TATDN3: variants seen among roughly 807,000 people sequenced by gnomAD.
TATDN3 encodes TatD DNase domain containing 3.
TATDN3 carries 29 observed loss-of-function variants against 40.1 expected under a neutral mutation model. The observed-to-expected ratio is 0.72, with a 90% confidence interval of 0.54 to 0.99. TATDN3 has a LOEUF of 0.99. Among genes scored for constraint, TATDN3 ranks in the 50% least tolerant of loss-of-function variants. The probability of loss-of-function intolerance (pLI) is 0.00; values close to 1 mark genes in which losing one functional copy is unlikely to be tolerated. For missense variants in TATDN3, 309 were observed against 321.9 expected (o/e 0.96, Z 0.31); for synonymous variants, 105 against 117.0 (o/e 0.90, Z 0.66).
chr1:212,794,918 C>T (rs570712624), intron 1 of TATDN3, 177 bp from the exon 2 acceptor site: 2 of 655,166 alleles, frequency 3.1e-6, no homozygotes. Context: ...AGTAGCCAGA[C>T]TTTACTGATA....
intron 7 of TATDN3, among the ~76,000 whole-genome samples, chr1:212,807,515 A>T (rs1044804604): frequency 5.3e-5 from 8 of 152,118 alleles, no homozygotes; most frequent in African/African-American, 1.7e-4. Flanking sequence ...GGCCTCCTAA[A>T]GTTCTGGGAT....
intron 3 of TATDN3, 40 bp downstream of exon 3, chr1:212,796,630 G>A (rs1265031448): frequency 5.0e-6 from 7 of 1,397,174 alleles, no homozygotes; most frequent in Non-Finnish European, 6.8e-6. Flanking sequence ...TTGCTAATAA[G>A]AACACAGTTA....
intron 9 of TATDN3, 25 bp from the exon 10 acceptor site, chr1:212,814,988 C>G (rs765453912): frequency 3.2e-5 from 51 of 1,600,878 alleles, no homozygotes; most frequent in Non-Finnish European, 4.0e-5. Flanking sequence ...TCATGTTTGA[C>G]ATGGTGTCTG....
Position 212,807,826 on chromosome 1 carries a change from C to T in TATDN3, c.578C>T (p.Pro193Leu). ...GCTGGGTACTTCTTCTCAATTCCCC[C>T]TTCTATCATAAGAAGTGGACAGGTA... is the stretch of plus-strand genomic sequence containing the variant. ...VRAGYFFSIP[P>L]SIIRSGQKQK... The change falls in exon 8 of 10, where the codon CCT becomes CTT. Residue 193 changes from proline to leucine, a missense_variant. Physicochemically the swap from Pro to Leu is moderately conservative, Grantham distance 98. Coordinates refer to ENST00000366974, the MANE Select transcript of TATDN3 (RefSeq NM_001042552.3). 6.2e-7 allele frequency: 1 copy of T among 1,612,714 alleles called. No homozygotes were observed. Among genetic ancestry groups the T allele is most frequent in the Non-Finnish European group, 8.5e-7 (1 of 1,179,430 alleles).
chr1:212,812,403 C>A, intron 9 of TATDN3, 75 bp downstream of exon 9: 1 of 836,974 alleles, frequency 1.2e-6, no homozygotes, highest in Non-Finnish European at 1.9e-6. Context: ...AGCTGTATTT[C>A]TCATTATAGT....
At chr1:212,806,803 T>G (rs1186087475) in intron 7 of TATDN3, among the ~76,000 whole-genome samples, 2 of 112,614 alleles carry the variant, frequency 1.8e-5, no homozygotes, top group African/African-American at 6.8e-5. Flanking sequence ...CACACACATA[T>G]ATACACATAT....
At chr1:212,809,501 G>A (rs944188271) in intron 8 of TATDN3, among the ~76,000 whole-genome samples, 2 of 151,786 alleles carry the variant, frequency 1.3e-5, no homozygotes, top group African/African-American at 2.4e-5. Flanking sequence ...TGGCTAACAC[G>A]GGGAAGCCCC....
At chr1:212,803,992 C>T (rs555367359) in intron 5 of TATDN3, among the ~76,000 whole-genome samples, 7 of 152,130 alleles carry the variant, frequency 4.6e-5, no homozygotes, top group Non-Finnish European at 1.0e-4. Context: ...GCCGAGATCA[C>T]GCCACTGCAC....
At chr1:212,800,434 C>T (rs1033975485) in intron 4 of TATDN3, among the ~76,000 whole-genome samples, 11 of 148,800 alleles carry the variant, frequency 7.4e-5, no homozygotes, top group African/African-American at 2.5e-4. Flanking sequence ...AGTGCAGTGG[C>T]GCCATAATAC....
intron 8 of TATDN3, among the ~76,000 whole-genome samples, chr1:212,811,192 G>A (rs962683056): frequency 6.6e-6 from 1 of 151,790 alleles, no homozygotes; most frequent in African/African-American, 2.4e-5. Context: ...CTGGAGTGCA[G>A]TGGCGCGATC....
intron 7 of TATDN3, 33 bp downstream of exon 7, chr1:212,804,684 G>A (rs1662354732): frequency 1.9e-6 from 3 of 1,578,960 alleles, no homozygotes; most frequent in Non-Finnish European, 2.6e-6. Flanking sequence ...TAGGCCTAAT[G>A]TTCAAGTTTG....
intron 4 of TATDN3, 35 bp from the exon 5 acceptor site, chr1:212,802,663 TTTC>T (rs927135409): frequency 1.6e-5 from 23 of 1,430,502 alleles, no homozygotes; most frequent in Admixed American, 3.3e-5. Context: ...TAGCAGTTCC[TTTC>T]TTCCATTTTA....
intron 9 of TATDN3, among the ~76,000 whole-genome samples, chr1:212,813,889 T>C (rs1663044484): frequency 6.6e-6 from 1 of 152,174 alleles, no homozygotes; most frequent in African/African-American, 2.4e-5. Context: ...TTTTGTATTT[T>C]TAGTGCACAT....
chr1:212,796,052 T>C (rs1661736470), intron 2 of TATDN3, among the ~76,000 whole-genome samples: 1 of 152,240 alleles, frequency 6.6e-6, no homozygotes, highest in Non-Finnish European at 1.5e-5. Flanking sequence ...TTTTCTGAGA[T>C]GTTTTGATTT....
rs542317831 is a variant in TATDN3 at position 212,791,951 on chromosome 1, C to T, written c.30C>T (p.Asp10=). Residue 10 remains aspartate (D), a synonymous_variant, in exon 1 of 10, where the codon GAC becomes GAT. Coordinates refer to ENST00000366974, the MANE Select transcript of TATDN3 (RefSeq NM_001042552.3). The part of the protein sequence containing the change: MRAAGVGLV[D]CHCHLSAPDF... ...GAGCGGCTGGCGTAGGCTTGGTGGA[C>T]TGTCACTGCCACCTCTCCGCCCCGG... The T allele has an allele frequency of 6.2e-7, 1 of 1,613,968 alleles. No homozygotes were observed.
chr1:212,815,139 C>G lies in TATDN3; in HGVS notation c.808C>G (p.His270Asp). The change falls in exon 10 of 10, where the codon CAC becomes GAC. Residue 270 changes from histidine (H) to aspartate (D), a missense_variant. Transcript: ENST00000366974. ...ATTAAAACTGTTTCCTAAGCTCCGA[C>G]ACTTGCTCCAGAAATAGCTTCAAAA... ...NALKLFPKLRHLLQK is the reference protein window; with the variant it reads ...NALKLFPKLRDLLQK 1 of 1,611,370 alleles carries G rather than the reference C, an allele frequency of 6.2e-7. No homozygotes were observed. The highest frequency in any genetic ancestry group is 2.2e-5 in the East Asian group (1 of 44,876).
intron 4 of TATDN3, among the ~76,000 whole-genome samples, 170 bp from the exon 5 acceptor site, chr1:212,802,531 G>A (rs984363693): frequency 1.3e-5 from 2 of 152,180 alleles, no homozygotes. Flanking sequence ...AAACTTACAG[G>A]TAGAGGTACT....
At chr1:212,810,596 AG>A (rs922704037) in intron 8 of TATDN3, among the ~76,000 whole-genome samples, 2 of 147,476 alleles carry the variant, frequency 1.4e-5, no homozygotes, top group African/African-American at 5.0e-5. Flanking sequence ...CTGAGGTGGG[AG>A]GATGTCTTCA....
At chr1:212,802,829 C>A in intron 5 of TATDN3, 66 bp downstream of exon 5, 1 of 1,147,490 alleles carries the variant, frequency 8.7e-7, no homozygotes, top group Non-Finnish European at 1.3e-6. Flanking sequence ...TGAAAATAAT[C>A]TTTAGTTCAG....
Sources: allele counts gnomAD v4.1 joint callset (sites outside exome capture counted in the v4.1 genomes callset), GRCh38; gene constraint gnomAD v4.1.1; transcripts MANE v1.5; gene names NCBI Gene and HGNC (gene_info 2026-07-23, HGNC 2026-07-21).